SLC4A11: variants seen among roughly 807,000 people sequenced by gnomAD.
SLC4A11 encodes solute carrier family 4 member 11.
A neutral mutation model predicts 95.0 loss-of-function variants in SLC4A11; 74 were observed. The observed-to-expected ratio is 0.78, with a 90% confidence interval of 0.65 to 0.95. The LOEUF (loss-of-function observed/expected upper bound fraction) is 0.95, where lower values mean the gene tolerates loss of function less well. Ranked by LOEUF, SLC4A11 falls within the 40% of genes least tolerant of loss-of-function variation. The pLI is 0.00. For missense variants in SLC4A11, 1,081 were observed against 1,192.4 expected (o/e 0.91, Z 1.38); for synonymous variants, 548 against 519.0 (o/e 1.06, Z -0.76).
rs780862017 is a variant in SLC4A11, at chr20:3,227,793, C to A, written c.2622G>T (p.Arg874Ser). The change falls in exon 20 of 20, where the codon AGG becomes AGT. Residue 874 changes from arginine to serine, a missense_variant. Around this residue, in one of 3 missense-constraint regions of SLC4A11, gnomAD observed 767 missense variants for 858.0 expected, o/e 0.89. Transcript: ENST00000642402. Reference sequence around the variant, plus strand: ...CGTGGGCAGGGTCTGCCAGTCAAGGCCTGTGCTCAGCGTCCATGACATCCA... The same window carrying A: ...CGTGGGCAGGGTCTGCCAGTCAAGGACTGTGCTCAGCGTCCATGACATCCA... ...KYLDVMDAEHRP is the reference protein window; with the variant it reads ...KYLDVMDAEHSP The A allele has an allele frequency of 6.2e-7, 1 of 1,613,126 alleles. No individual in the cohort carries two copies. The highest frequency in any genetic ancestry group is 1.1e-5 in the South Asian group (1 of 91,082).
At chr20:3,239,535 G>C (rs1375987883), upstream of SLC4A11, 2 of 990,602 alleles carry the variant, frequency 2.0e-6, no homozygotes, top group Non-Finnish European at 2.4e-6. Flanking sequence ...CGAGCCCACC[G>C]AGCTGTGCGA....
chr20:3,238,145 CCG>C, intron 1 of SLC4A11: 1 of 1,445,490 alleles, frequency 6.9e-7, no homozygotes, highest in South Asian at 1.5e-5. Context: ...AGTCCTGGGA[CCG>C]CGTCCCGGCC....
chr20:3,228,805 A>G (rs1370207394), intron 17 of SLC4A11, 33 bp downstream of exon 17: 1 of 1,613,314 alleles, frequency 6.2e-7, no homozygotes, highest in Non-Finnish European at 8.5e-7. Context: ...CCCACTCCTC[A>G]GGGTCCACGG....
Position 3,234,289 on chromosome 20 carries a change from T to G in SLC4A11, c.317A>C (p.Glu106Ala), listed in dbSNP as rs760420079. The G allele has an allele frequency of 1.9e-6, 3 of 1,613,944 alleles. No homozygotes were observed. The highest frequency in any genetic ancestry group is 2.5e-6 in the Non-Finnish European group (3 of 1,179,996). The part of the protein sequence containing the change: ...RKYLKLKNFK[E>A]EIRAHRDLDG... ...TAGGTCGCGGTGCGCACGGATCTCT[T>G]CCTTGAAGTTCTTTAACTTCAGGTA... The change falls in exon 5 of 20, where the codon GAA (glutamate) becomes GCA (alanine). Residue 106 changes from glutamate to alanine, a missense_variant. This residue lies in a region of SLC4A11 where 310 missense variants were observed against 313.5 expected (regional missense o/e 0.99). Coordinates refer to ENST00000642402, the MANE Select transcript of SLC4A11 (RefSeq NM_001174089.2). The surrounding 1 kb of genome is among the most constrained non-coding windows in gnomAD (Gnocchi z 5.8).
rs1269915775 is a variant in SLC4A11, at chr20:3,237,666, C to G, written c.44-78G>C. 5 of 1,613,946 alleles carry G rather than the reference C, an allele frequency of 3.1e-6. No homozygotes were observed. The East Asian group carries it at 6.7e-5, about 22-fold the overall frequency. On this transcript the variant is annotated intron_variant, in intron 1 of 19. Coordinates refer to ENST00000642402, the MANE Select transcript of SLC4A11 (RefSeq NM_001174089.2). ...CTGTGTGCACCTGTCTCCCCGCCCC[C>G]CGACCTGGCTCATTCCTTCGCTCTT... is the stretch of plus-strand genomic sequence containing the variant.
chr20:3,227,975 T>A, intron 19 of SLC4A11, 119 bp from the exon 20 acceptor site: 1 of 353,932 alleles, frequency 2.8e-6, no homozygotes, highest in Non-Finnish European at 4.1e-6. Context: ...CCCGCCCGCC[T>A]ACCCCCAGCC....
At position 3,234,069 on chromosome 20, in the gene SLC4A11, G is replaced by C; in HGVS notation, c.523+14C>G. The C allele has an allele frequency of 6.2e-7, 1 of 1,613,766 alleles. No individual in the cohort carries two copies. The highest frequency in any genetic ancestry group is 1.1e-5 in the South Asian group (1 of 91,092). ...CTCCCAACGCCCCCGCCCGGGCCGG[G>C]AGACCGGCCTCACCTTTACCCCGCA... On this transcript the variant is annotated intron_variant, in intron 5 of 19. Coordinates refer to ENST00000642402, the MANE Select transcript of SLC4A11 (RefSeq NM_001174089.2). The surrounding 1 kb of genome is among the most constrained non-coding windows in gnomAD (Gnocchi z 5.8).
chr20:3,231,665 T>C lies in SLC4A11; in HGVS notation c.730-117A>G. 1.0e-6 allele frequency: 1 copy of C among 968,394 alleles called. No homozygotes were observed. The highest frequency in any genetic ancestry group is 1.4e-5 in the South Asian group (1 of 71,194). The allele number at this position is 968,394 out of a possible 1,614,324, so 60.0% of individuals were successfully genotyped here. A position where few individuals can be genotyped will look rare whatever the true frequency, so the allele number is the denominator to read the frequency against. On this transcript the variant is annotated intron_variant, in intron 7 of 19. Transcript: ENST00000642402. This position sits in a 1 kb window ranked among gnomAD's most constrained non-coding sequence, Gnocchi z 5.2. Reference sequence around the variant, plus strand: ...AGGTTTTTTGTCTGTTTGTTTTTTGTGTTTTTTTGAGACAGGGTCTCACTG... The same window carrying C: ...AGGTTTTTTGTCTGTTTGTTTTTTGCGTTTTTTTGAGACAGGGTCTCACTG...
Position 3,234,400 on chromosome 20 carries a change from C to G in SLC4A11, c.292-86G>C, listed in dbSNP as rs6139040. 304,406 of 1,301,676 alleles carry G rather than the reference C, an allele frequency of 0.23. 32,438 individuals are homozygous for G. The highest frequency in any genetic ancestry group is 0.26 in the Non-Finnish European group (236,397 of 924,992). 80.6% of individuals were successfully genotyped at this position (1,301,676 alleles called of 1,614,324 possible). A position where few individuals can be genotyped will look rare whatever the true frequency, so the allele number is the denominator to read the frequency against. On this transcript the variant is annotated intron_variant, in intron 4 of 19. Transcript: ENST00000642402. The surrounding 1 kb of genome is among the most constrained non-coding windows in gnomAD (Gnocchi z 5.8). Reference sequence around the variant, plus strand: ...GTCCCTCCCTCCCAGCCAGCCGCAGCAGTCCAGCCCCCAGCCCCCAGCCCC... The same window carrying G: ...GTCCCTCCCTCCCAGCCAGCCGCAGGAGTCCAGCCCCCAGCCCCCAGCCCC...
chr20:3,238,402 G>A (rs1328229614), intron 1 of SLC4A11: 2 of 1,071,294 alleles, frequency 1.9e-6, no homozygotes, highest in Non-Finnish European at 2.3e-6. Context: ...GGCGCGGGGC[G>A]GGAGCCGGGG....
At position 3,229,434 on chromosome 20, in the gene SLC4A11, G is replaced by A. The variant is rs776645061; in HGVS notation, c.1761C>T (p.Cys587=). ...QFKKSPYLHP[C]VREILSDCAL... is the part of the protein sequence containing the mutation. The stretch of plus-strand genomic sequence containing the variant: ...CGCAGTCGGACAGGATCTCTCGCAC[G>A]CAGGGGTGCAGGTAGGGGCTGGGGA... The change falls in exon 15 of 20, where the codon TGC becomes TGT. Residue 587 remains cysteine (C), a synonymous_variant. Transcript: ENST00000642402. The A allele has an allele frequency of 2.3e-5, 37 of 1,613,120 alleles. No homozygotes were observed. The East Asian group carries it at 2.9e-4, about 13-fold the overall frequency.
intron 19 of SLC4A11, 35 bp from the exon 20 acceptor site, chr20:3,227,891 G>A (rs996669045): frequency 1.2e-6 from 2 of 1,603,352 alleles, no homozygotes; most frequent in East Asian, 2.2e-5. Context: ...ATGAGCCTGG[G>A]TCAGAGAGAA....
intron 2 of SLC4A11, among the ~76,000 whole-genome samples, chr20:3,237,095 TGAG>T (rs1307522151): frequency 2.6e-5 from 4 of 151,774 alleles, no homozygotes; most frequent in East Asian, 1.9e-4. Context: ...CCCAGAGACA[TGAG>T]GAGGAAGACA....
intron 1 of SLC4A11, chr20:3,238,212 G>A (rs1035929613): frequency 2.1e-6 from 3 of 1,403,524 alleles, no homozygotes; most frequent in Non-Finnish European, 2.8e-6. Flanking sequence ...GGTGGGAGGA[G>A]TATCTGAGGG....
At chr20:3,238,563 G>C (rs1036373469) in intron 1 of SLC4A11, 1 of 990,798 alleles carries the variant, frequency 1.0e-6, no homozygotes, top group African/African-American at 1.7e-5. Context: ...TCCTGGCGGG[G>C]ACCCAGGGCT....
At position 3,231,569 on chromosome 20, in the gene SLC4A11, T is replaced by C. The variant is rs763588138; in HGVS notation, c.730-21A>G. The C allele has an allele frequency of 1.3e-6, 2 of 1,596,910 alleles. No individual in the cohort carries two copies. Among genetic ancestry groups the C allele is most frequent in the Non-Finnish European group, 1.7e-6 (2 of 1,169,166 alleles). Reference sequence around the variant, plus strand: ...CTTTTCTAGGGGTGGAGGATGGGAGTCACCCCTAGAAACAGAGGAGGCCCT... The same window carrying C: ...CTTTTCTAGGGGTGGAGGATGGGAGCCACCCCTAGAAACAGAGGAGGCCCT... On this transcript the variant is annotated intron_variant, in intron 7 of 19. Transcript: ENST00000642402. This position sits in a 1 kb window ranked among gnomAD's most constrained non-coding sequence, Gnocchi z 5.2.
At chr20:3,235,799 C>T (rs2067963777) in intron 2 of SLC4A11, among the ~76,000 whole-genome samples, 1 of 152,126 alleles carries the variant, frequency 6.6e-6, no homozygotes, top group African/African-American at 2.4e-5. Context: ...CTCCCCCTGC[C>T]CTGACCACTG....
chr20:3,237,999 C>T (rs1243127670), intron 1 of SLC4A11: 1 of 1,547,148 alleles, frequency 6.5e-7, no homozygotes, highest in Admixed American at 2.0e-5. Flanking sequence ...GATGCCAAGG[C>T]GGGGGATCTC....
intron 19 of SLC4A11, 147 bp downstream of exon 19, chr20:3,228,112 T>G: frequency 7.3e-6 from 4 of 550,268 alleles, no homozygotes; most frequent in East Asian, 6.9e-5. Flanking sequence ...TCTCCACCCC[T>G]AGGCAGGACC....
Sources: allele counts gnomAD v4.1 joint callset (sites outside exome capture counted in the v4.1 genomes callset), GRCh38; gene constraint gnomAD v4.1.1; regional missense constraint gnomAD v4.1.1; non-coding constraint Gnocchi (gnomAD v3.1); transcripts MANE v1.5; gene names NCBI Gene and HGNC (gene_info 2026-07-23, HGNC 2026-07-21).